Variants in FAR2 observed in about 807,000 individuals in gnomAD.
The protein encoded by FAR2 is fatty acyl-CoA reductase 2.
Under a neutral mutation model 56.0 loss-of-function variants are expected in FAR2, and 19 were observed. That is an observed-to-expected ratio of 0.34 (90% confidence interval 0.24 to 0.50). FAR2 has a LOEUF of 0.50. Ranked by LOEUF, FAR2 falls within the 20% of genes least tolerant of loss-of-function variation. The probability of loss-of-function intolerance (pLI) is 0.98; values close to 1 mark genes in which losing one functional copy is unlikely to be tolerated. For missense variants in FAR2, 508 were observed against 642.2 expected (o/e 0.79, Z 2.26); for synonymous variants, 219 against 218.8 (o/e 1.00, Z -0.01).
At position 29,194,643 on chromosome 12, in the gene FAR2, T is replaced by G. The variant is rs548699370; in HGVS notation, c.-39+45236T>G. 8.0e-4 allele frequency among the ~76,000 whole-genome samples: 122 copies of G among 152,076 alleles called. 1 individual carries two copies. The highest frequency in any genetic ancestry group is 2.8e-3 in the African/African-American group (115 of 41,496). ...GGATAGGCATCTCAAGTTGAAAATG[T>G]CTTGAGAGAGCTGGGATAAAATTAA... On this transcript the variant is annotated intron_variant, in intron 1 of 11. Coordinates refer to ENST00000536681, the MANE Select transcript of FAR2 (RefSeq NM_001271783.2).
chr12:29,175,024 A>T (rs1171232847), intron 1 of FAR2, among the ~76,000 whole-genome samples: 1 of 152,154 alleles, frequency 6.6e-6, no homozygotes, highest in Non-Finnish European at 1.5e-5. Flanking sequence ...GGGGGTTGTT[A>T]GAGAGCCCTT....
intron 1 of FAR2, among the ~76,000 whole-genome samples, chr12:29,196,173 CT>C (rs1169796054): frequency 1.3e-5 from 2 of 152,104 alleles, no homozygotes; most frequent in Admixed American, 6.6e-5. Flanking sequence ...GTGCAGGTGC[CT>C]TTTTTTATAG....
At chr12:29,218,463 G>A (rs1245449025) in intron 1 of FAR2, among the ~76,000 whole-genome samples, 3 of 152,094 alleles carry the variant, frequency 2.0e-5, no homozygotes, top group South Asian at 2.1e-4. Context: ...GAAGCAAGGA[G>A]AAAAGAAAGG....
chr12:29,309,077 T>C, intron 5 of FAR2, 109 bp from the exon 6 acceptor site: 1 of 776,742 alleles, frequency 1.3e-6, no homozygotes, highest in South Asian at 1.4e-5. Flanking sequence ...TTCTATTGGC[T>C]GGGATCTCAG....
intron 1 of FAR2, among the ~76,000 whole-genome samples, chr12:29,251,969 G>A (rs2136677708): frequency 6.6e-6 from 1 of 152,228 alleles, no homozygotes. Flanking sequence ...ATTATGCTCT[G>A]CTAGCTTGAA....
intron 1 of FAR2, among the ~76,000 whole-genome samples, chr12:29,245,482 G>C (rs950371568): frequency 2.0e-5 from 3 of 152,068 alleles, no homozygotes. Context: ...GGTTGGGCTT[G>C]GGGGGTCTCC....
At chr12:29,164,537 A>G (rs1312909211) in intron 1 of FAR2, among the ~76,000 whole-genome samples, 1 of 152,184 alleles carries the variant, frequency 6.6e-6, no homozygotes, top group Non-Finnish European at 1.5e-5. Context: ...CATACTGGTC[A>G]TCCAACATCT....
At chr12:29,330,856 C>G (rs1949721303) in intron 10 of FAR2, among the ~76,000 whole-genome samples, 1 of 151,872 alleles carries the variant, frequency 6.6e-6, no homozygotes, top group South Asian at 2.1e-4. Flanking sequence ...GACTGATTGT[C>G]TGAAAAAAGG....
At chr12:29,189,366 C>T (rs1030003581) in intron 1 of FAR2, among the ~76,000 whole-genome samples, 3 of 152,146 alleles carry the variant, frequency 2.0e-5, no homozygotes, top group African/African-American at 7.2e-5. Context: ...CAGGTTGGCT[C>T]CTATATTCCT....
At chr12:29,151,557 A>C (rs149421520) in intron 1 of FAR2, 86 of 152,304 alleles carry the variant, frequency 5.6e-4, no homozygotes, top group African/African-American at 1.9e-3. Flanking sequence ...CTGCTGGCTT[A>C]ATAATTTTCA....
Position 29,232,821 on chromosome 12 carries a change from GCA to G in FAR2, c.-38-37566_-38-37565del, listed in dbSNP as rs71042969. Among the ~76,000 whole-genome samples the G allele has an allele frequency of 4.2e-3, 604 of 145,330 alleles. 6 individuals are homozygous for G. The highest frequency in any genetic ancestry group is 3.1e-3 in the Non-Finnish European group (200 of 65,480). On this transcript the variant is annotated intron_variant, in intron 1 of 11. Transcript: ENST00000536681. ...CACACACACACACATACGCGCTCGC[GCA>G]CACACACACACACACACACACACAG...
intron 10 of FAR2, among the ~76,000 whole-genome samples, chr12:29,323,134 G>A (rs1489250066): frequency 6.6e-6 from 1 of 152,248 alleles, no homozygotes; most frequent in Non-Finnish European, 1.5e-5. Flanking sequence ...CTATGCCCAT[G>A]GAGCCTCACT....
At chr12:29,255,845 TTCAG>T (rs1948308420) in intron 1 of FAR2, among the ~76,000 whole-genome samples, 1 of 152,056 alleles carries the variant, frequency 6.6e-6, no homozygotes, top group Non-Finnish European at 1.5e-5. Flanking sequence ...AAATTGCCTT[TTCAG>T]TTTATCTTAT....
At chr12:29,291,791 A>G (rs2136748050) in intron 2 of FAR2, among the ~76,000 whole-genome samples, 1 of 152,312 alleles carries the variant, frequency 6.6e-6, no homozygotes, top group South Asian at 2.1e-4. Context: ...TTATTTTAGA[A>G]GCTATAGGGG....
chr12:29,332,290 G>A (rs1949741836), intron 10 of FAR2, among the ~76,000 whole-genome samples: 1 of 152,154 alleles, frequency 6.6e-6, no homozygotes, highest in Admixed American at 6.5e-5. Flanking sequence ...TTACTCCTCG[G>A]TTAGCTGAAA....
intron 10 of FAR2, among the ~76,000 whole-genome samples, chr12:29,325,665 A>G (rs1949631846): frequency 6.6e-6 from 1 of 152,222 alleles, no homozygotes; most frequent in Admixed American, 6.5e-5. Context: ...GTACATAACG[A>G]AATGAAGGCA....
intron 1 of FAR2, among the ~76,000 whole-genome samples, chr12:29,204,776 G>C (rs993576603): frequency 6.6e-6 from 1 of 152,112 alleles, no homozygotes; most frequent in African/African-American, 2.4e-5. Context: ...GGAGGAAATG[G>C]GTGGAAGCGG....
chr12:29,239,480 G>GTGTGTGTGTA (rs751710237), intron 1 of FAR2, among the ~76,000 whole-genome samples: 5 of 151,626 alleles, frequency 3.3e-5, no homozygotes, highest in Non-Finnish European at 7.4e-5. Context: ...GTGTGTGTGT[G>GTGTGTGTGTA]TGTATAAAAC....
At chr12:29,178,973 T>C (rs1037103566) in intron 1 of FAR2, among the ~76,000 whole-genome samples, 2 of 152,144 alleles carry the variant, frequency 1.3e-5, no homozygotes, top group African/African-American at 4.8e-5. Flanking sequence ...GGGAAGGAGC[T>C]GTTCCTGGCC....
Sources: gnomAD v4.1 joint callset for allele counts (sites outside exome capture counted in the v4.1 genomes callset) on GRCh38, gnomAD v4.1.1 for gene constraint, MANE v1.5 for transcripts, NCBI Gene and HGNC (gene_info 2026-07-23, HGNC 2026-07-21) for gene names.